Variants in NCKAP1 observed in about 807,000 individuals in gnomAD.
The protein encoded by NCKAP1 is NCK associated protein 1.
NCKAP1 carries 21 observed loss-of-function variants against 151.2 expected under a neutral mutation model. The observed-to-expected ratio is 0.14, with a 90% CI of 0.10 to 0.20. The LOEUF (loss-of-function observed/expected upper bound fraction) is 0.20. NCKAP1 is among the 10% of genes least tolerant of loss of function. The pLI, the probability that NCKAP1 is intolerant of heterozygous loss-of-function variation, is 1.00. For missense variants in NCKAP1, 933 were observed against 1,352.1 expected, an observed-to-expected ratio of 0.69 and a Z score of 4.86; for synonymous variants, 484 against 451.8, an observed-to-expected ratio of 1.07 and a Z score of -0.90.
At chr2:183,007,412 C>A (rs1402403222) in intron 2 of NCKAP1, among the ~76,000 whole-genome samples, 1 of 152,094 alleles carries the variant, frequency 6.6e-6, no homozygotes, top group Non-Finnish European at 1.5e-5. Context: ...AAGCATTTTC[C>A]ACACAAATAT....
chr2:182,927,125 TA>T (rs781697044), intron 29 of NCKAP1: 4 of 411,684 alleles, frequency 9.7e-6, no homozygotes, highest in Non-Finnish European at 1.7e-5. Flanking sequence ...TGTAATCAAA[TA>T]TTCTTATTGG....
chr2:183,006,834 A>G (rs1487625016), intron 2 of NCKAP1, among the ~76,000 whole-genome samples: 1 of 152,190 alleles, frequency 6.6e-6, no homozygotes, highest in Non-Finnish European at 1.5e-5. Flanking sequence ...GAAAAGTACT[A>G]CTGTGAGAAA....
At chr2:182,995,976 A>C in intron 6 of NCKAP1, 138 bp from the exon 7 acceptor site, 1 of 755,466 alleles carries the variant, frequency 1.3e-6, no homozygotes, top group Non-Finnish European at 2.1e-6. Context: ...TCCTTATAAT[A>C]TCTGAGTTGG....
chr2:183,018,889 C>T (rs1013186764), intron 2 of NCKAP1, among the ~76,000 whole-genome samples: 2 of 152,198 alleles, frequency 1.3e-5, no homozygotes, highest in African/African-American at 4.8e-5. Flanking sequence ...ACTAACTTTA[C>T]TGCTGATTAT....
chr2:182,935,805 C>T (rs1417964737), intron 24 of NCKAP1, among the ~76,000 whole-genome samples: 4 of 152,100 alleles, frequency 2.6e-5, no homozygotes, highest in African/African-American at 9.7e-5. Flanking sequence ...GGCCCAGGAA[C>T]TCAGCAGTGC....
chr2:182,975,782 A>AC (rs1697808669), intron 15 of NCKAP1, among the ~76,000 whole-genome samples: 1 of 152,010 alleles, frequency 6.6e-6, no homozygotes, highest in Non-Finnish European at 1.5e-5. Context: ...GCTTGCACTT[A>AC]TAGTCCCAGC....
At chr2:183,016,962 T>C (rs1698701498) in intron 2 of NCKAP1, among the ~76,000 whole-genome samples, 1 of 152,212 alleles carries the variant, frequency 6.6e-6, no homozygotes. Context: ...AGTTTGATAT[T>C]TTTTACAAGT....
intron 11 of NCKAP1, 151 bp downstream of exon 11, chr2:182,983,135 T>C (rs1345873963): frequency 5.7e-6 from 4 of 697,474 alleles, no homozygotes; most frequent in Admixed American, 5.7e-5. Flanking sequence ...AGGTACGATG[T>C]ATGAATGTCA....
chr2:183,018,959 T>C (rs72888467), intron 2 of NCKAP1, among the ~76,000 whole-genome samples: 6 of 152,158 alleles, frequency 3.9e-5, no homozygotes, highest in African/African-American at 1.4e-4. Flanking sequence ...CAATAAAAAA[T>C]TATGTTTTAC....
In NCKAP1 at chr2:182,949,860, T is replaced by C. The variant is rs1195876614; in HGVS notation, c.2601+2545A>G. On this transcript the variant is annotated intron_variant, in intron 23 of 30. Transcript: ENST00000361354. ...ATCCAACAAATATTTACTAAGTGCCTAATATGTGTTAGGTCTGCAGCAAGG... is the reference window on the plus strand; with the variant it reads ...ATCCAACAAATATTTACTAAGTGCCCAATATGTGTTAGGTCTGCAGCAAGG... Among the ~76,000 whole-genome samples the C allele has an allele frequency of 2.6e-5, 4 of 152,338 alleles. No individual in the cohort carries two copies. In the East Asian group the frequency reaches 7.7e-4, roughly 29 times the overall value.
chr2:182,925,799 A>T lies in NCKAP1; in HGVS notation c.3290T>A (p.Phe1097Tyr). 1 of 1,575,204 alleles carries T rather than the reference A, an allele frequency of 6.3e-7. No homozygotes were observed. Among genetic ancestry groups the T allele is most frequent in the Non-Finnish European group, 8.6e-7 (1 of 1,161,176 alleles). ...LLDMIVQESP[F>Y]LTMDLLESCF... ...AGATTCCAAAAGATCCATTGTAAGGAATGGAGATTCTTGTACAATCTGTAA... is the reference window on the plus strand; with the variant it reads ...AGATTCCAAAAGATCCATTGTAAGGTATGGAGATTCTTGTACAATCTGTAA... Residue 1097 changes from phenylalanine (F) to tyrosine (Y), a missense_variant, in exon 31 of 31, where the codon TTC becomes TAC. Around this residue, in one of 2 missense-constraint regions of NCKAP1, gnomAD observed 326 missense variants for 557.1 expected, o/e 0.59. Coordinates refer to ENST00000361354, the MANE Select transcript of NCKAP1 (RefSeq NM_013436.5).
At chr2:183,036,698 C>T (rs1244953817) in intron 1 of NCKAP1, among the ~76,000 whole-genome samples, 1 of 151,584 alleles carries the variant, frequency 6.6e-6, no homozygotes, top group Non-Finnish European at 1.5e-5. Context: ...AGCAACCAGA[C>T]TTTGTCCTTA....
Position 182,986,240 on chromosome 2 carries a change from A to C in NCKAP1, c.948-13T>G. 1 of 1,599,938 alleles carries C rather than the reference A, an allele frequency of 6.3e-7. No homozygotes were observed. The highest frequency in any genetic ancestry group is 1.3e-5 in the African/African-American group (1 of 74,682). Reference sequence around the variant, plus strand: ...ACGTTTATTATAGCTAGGTGCAAAAACAAATTAGAACGTTAGTTTAATTTG... The same window carrying C: ...ACGTTTATTATAGCTAGGTGCAAAACCAAATTAGAACGTTAGTTTAATTTG... On this transcript the variant is annotated splice_polypyrimidine_tract_variant and intron_variant, in intron 9 of 30. Transcript: ENST00000361354.
chr2:183,038,167 C>T lies in NCKAP1; in HGVS notation c.-68G>A. The T allele has an allele frequency of 8.4e-7, 1 of 1,192,120 alleles. No individual in the cohort carries two copies. The highest frequency in any genetic ancestry group is 1.1e-6 in the Non-Finnish European group (1 of 884,336). 73.8% of individuals were successfully genotyped at this position (1,192,120 alleles called of 1,614,324 possible). A position where few individuals can be genotyped will look rare whatever the true frequency, so the allele number is the denominator to read the frequency against. On this transcript the variant is annotated 5_prime_UTR_variant, in exon 1 of 31. Coordinates refer to ENST00000361354, the MANE Select transcript of NCKAP1 (RefSeq NM_013436.5). ...AGTCACGGGCCCGCGGCCTTCGCAGCAGCCTCTCTCGGGCCTCCTCCCCTC... is the reference window on the plus strand; with the variant it reads ...AGTCACGGGCCCGCGGCCTTCGCAGTAGCCTCTCTCGGGCCTCCTCCCCTC...
At chr2:182,947,165 A>T (rs1009876355) in intron 23 of NCKAP1, 1 of 152,208 alleles carries the variant, frequency 6.6e-6, no homozygotes. Flanking sequence ...GCTTCTGCTA[A>T]GTACATTGGG....
At chr2:183,016,793 GAGGGAGGGAGGA>G (rs1341850421) in intron 2 of NCKAP1, among the ~76,000 whole-genome samples, 1 of 152,150 alleles carries the variant, frequency 6.6e-6, no homozygotes, top group African/African-American at 2.4e-5. Flanking sequence ...GTGGAGGTTG[GAGGGAGGGAGGA>G]AGGGAGGGCG....
intron 2 of NCKAP1, among the ~76,000 whole-genome samples, chr2:183,022,616 G>C (rs888728948): frequency 1.3e-5 from 2 of 151,992 alleles, no homozygotes; most frequent in Non-Finnish European, 2.9e-5. Flanking sequence ...GTGAGATCTC[G>C]TCTCTACAAA....
At chr2:183,022,775 A>G (rs975320949) in intron 2 of NCKAP1, 1 of 152,248 alleles carries the variant, frequency 6.6e-6, no homozygotes, top group African/African-American at 2.4e-5. Context: ...GTTTTTAAGC[A>G]AAAGTATCAA....
intron 6 of NCKAP1, 94 bp downstream of exon 6, chr2:183,001,859 T>A (rs1204864858): frequency 9.4e-6 from 10 of 1,062,112 alleles, no homozygotes; most frequent in African/African-American, 6.4e-5. Flanking sequence ...CATTATAGTA[T>A]TTTTCAAAAA....
Sources: allele counts gnomAD v4.1 joint callset (sites outside exome capture counted in the v4.1 genomes callset), GRCh38; gene constraint gnomAD v4.1.1; regional missense constraint gnomAD v4.1.1; transcripts MANE v1.5; gene names NCBI Gene and HGNC (gene_info 2026-07-23, HGNC 2026-07-21).